Variants in ARSB observed in about 807,000 individuals in gnomAD.
The protein encoded by ARSB is N-acetylgalactosamine-4-sulfatase.
A neutral mutation model predicts 50.9 loss-of-function variants in ARSB; 41 were observed. That is an observed-to-expected ratio of 0.81 (90% CI 0.63 to 1.04). The LOEUF is 1.04. ARSB is among the 50% of genes least tolerant of loss of function. ARSB has a pLI of 0.00. For missense variants in ARSB, 672 were observed against 693.3 expected, an observed-to-expected ratio of 0.97 and a Z score of 0.35; for synonymous variants, 269 against 284.8, an observed-to-expected ratio of 0.94 and a Z score of 0.56.
At chr5:78,784,154 A>T (rs938292531) in intron 6 of ARSB, among the ~76,000 whole-genome samples, 8 of 152,342 alleles carry the variant, frequency 5.3e-5, no homozygotes, top group Admixed American at 5.2e-4. Context: ...TGCAGAATAC[A>T]TATGTGCCAA....
intron 5 of ARSB, among the ~76,000 whole-genome samples, chr5:78,879,590 A>G (rs1055326683): frequency 6.6e-6 from 1 of 152,234 alleles, no homozygotes; most frequent in Admixed American, 6.5e-5. Context: ...CAAATTTTCA[A>G]AAACTACCAT....
intron 4 of ARSB, among the ~76,000 whole-genome samples, chr5:78,892,085 A>G (rs762125138): frequency 6.6e-6 from 1 of 152,126 alleles, no homozygotes. Flanking sequence ...TATGTATGCT[A>G]GTCATCAGCA....
chr5:78,808,390 G>A (rs1743662957), intron 6 of ARSB, among the ~76,000 whole-genome samples: 1 of 152,108 alleles, frequency 6.6e-6, no homozygotes, highest in African/African-American at 2.4e-5. Context: ...GTGCAAAGAT[G>A]AGCAATGTTT....
At chr5:78,807,822 G>A (rs963237325) in intron 6 of ARSB, among the ~76,000 whole-genome samples, 19 of 152,038 alleles carry the variant, frequency 1.2e-4, no homozygotes, top group African/African-American at 7.2e-5. Flanking sequence ...GGCCGGGCGC[G>A]GTGGCTCACG....
chr5:78,909,077 A>G (rs1749192354), intron 4 of ARSB, among the ~76,000 whole-genome samples: 1 of 152,220 alleles, frequency 6.6e-6, no homozygotes, highest in African/African-American at 2.4e-5. Context: ...GTGACATTTC[A>G]TGCAAGGAAT....
At chr5:78,858,108 T>TCTATG (rs1463158573) in intron 5 of ARSB, among the ~76,000 whole-genome samples, 2 of 152,202 alleles carry the variant, frequency 1.3e-5, no homozygotes, top group Non-Finnish European at 2.9e-5. Context: ...TCTCTAACCT[T>TCTATG]CTATGCTAAA....
intron 5 of ARSB, among the ~76,000 whole-genome samples, chr5:78,866,374 C>T (rs138618921): frequency 1.1e-3 from 174 of 152,284 alleles, no homozygotes; most frequent in African/African-American, 4.0e-3. Flanking sequence ...ATAGGAAAGA[C>T]CTGCCCCATG....
intron 4 of ARSB, among the ~76,000 whole-genome samples, chr5:78,937,044 C>T (rs1750637149): frequency 6.6e-6 from 1 of 151,834 alleles, no homozygotes; most frequent in Non-Finnish European, 1.5e-5. Context: ...CTTCATCCTC[C>T]AGTGCAGCCT....
intron 5 of ARSB, among the ~76,000 whole-genome samples, chr5:78,852,975 T>C (rs1745911102): frequency 6.6e-6 from 1 of 152,190 alleles, no homozygotes; most frequent in Non-Finnish European, 1.5e-5. Flanking sequence ...TTTTTCAAAG[T>C]TTTTAACTTC....
At chr5:78,959,631 C>T (rs80242082) in intron 3 of ARSB, among the ~76,000 whole-genome samples, 10 of 152,210 alleles carry the variant, frequency 6.6e-5, no homozygotes, top group African/African-American at 2.4e-4. Context: ...GGTACTATAG[C>T]CCATTTCAAG....
intron 5 of ARSB, among the ~76,000 whole-genome samples, chr5:78,849,398 G>A (rs1745630940): frequency 6.6e-6 from 1 of 151,980 alleles, no homozygotes; most frequent in African/African-American, 2.4e-5. Context: ...TTATTTCTGA[G>A]GGCTCTGTTC....
chr5:78,917,410 T>C (rs752133400), intron 4 of ARSB, among the ~76,000 whole-genome samples: 6 of 152,190 alleles, frequency 3.9e-5, no homozygotes, highest in Non-Finnish European at 7.3e-5. Context: ...TCTGATAGGA[T>C]ACATGCCCAT....
intron 3 of ARSB, among the ~76,000 whole-genome samples, chr5:78,956,732 T>C (rs1473473505): frequency 1.3e-5 from 2 of 152,172 alleles, no homozygotes; most frequent in Admixed American, 1.3e-4. Flanking sequence ...CACCCTATGT[T>C]ACAGCAATTT....
At chr5:78,923,912 T>A (rs970712603) in intron 4 of ARSB, among the ~76,000 whole-genome samples, 6 of 152,188 alleles carry the variant, frequency 3.9e-5, no homozygotes, top group African/African-American at 1.4e-4. Flanking sequence ...CATTCCAGTT[T>A]CCTGAAAGCG....
chr5:78,843,178 T>C (rs1173828715), intron 5 of ARSB, among the ~76,000 whole-genome samples: 1 of 152,186 alleles, frequency 6.6e-6, no homozygotes, highest in African/African-American at 2.4e-5. Context: ...TACATATGAA[T>C]CATCTGGGGA....
At chr5:78,818,782 A>G (rs1192749339) in intron 6 of ARSB, among the ~76,000 whole-genome samples, 1 of 151,964 alleles carries the variant, frequency 6.6e-6, no homozygotes, top group Non-Finnish European at 1.5e-5. Context: ...CAGAAGGGAC[A>G]TGCTTTTCAA....
intron 6 of ARSB, among the ~76,000 whole-genome samples, chr5:78,812,116 C>T (rs2112660299): frequency 6.6e-6 from 1 of 152,250 alleles, no homozygotes; most frequent in African/African-American, 2.4e-5. Context: ...CATATGTGTT[C>T]ACATATGGGA....
intron 4 of ARSB, among the ~76,000 whole-genome samples, chr5:78,887,988 G>T (rs1370979092): frequency 2.0e-5 from 3 of 152,220 alleles, no homozygotes; most frequent in Non-Finnish European, 4.4e-5. Flanking sequence ...AGGCTCTACT[G>T]CCAAGGAAAC....
intron 7 of ARSB, among the ~76,000 whole-genome samples, chr5:78,781,065 C>G (rs145849552): frequency 1.2e-4 from 19 of 152,280 alleles, no homozygotes; most frequent in African/African-American, 4.6e-4. Context: ...TACATCACAG[C>G]CTTAACCATC....
Sources: allele counts gnomAD v4.1 joint callset (sites outside exome capture counted in the v4.1 genomes callset), GRCh38; gene constraint gnomAD v4.1.1; transcripts MANE v1.5; gene names NCBI Gene and HGNC (gene_info 2026-07-23, HGNC 2026-07-21).